Variants in EPHA6 observed in about 807,000 individuals in gnomAD.
EPHA6 encodes the protein ephrin type-A receptor 6.
In EPHA6, 50 loss-of-function variants were observed where a neutral mutation model predicts 112.0. That is an observed-to-expected ratio of 0.45 (90% CI 0.36 to 0.56). EPHA6 has a LOEUF of 0.56. EPHA6 is among the 20% of genes least tolerant of loss of function. The pLI is 0.00. For synonymous variants in EPHA6, 529 were observed against 490.7 expected (o/e 1.08, Z -1.03); for missense variants, 1,280 against 1,417.4 (o/e 0.90, Z 1.56).
chr3:97,598,550 A>C (rs1357697747), intron 12 of EPHA6, among the ~76,000 whole-genome samples: 3 of 151,258 alleles, frequency 2.0e-5, no homozygotes, highest in African/African-American at 7.3e-5. Context: ...TTTACTGAGA[A>C]TGATGATTTC....
At chr3:97,674,141 T>C (rs2031129242) in intron 14 of EPHA6, among the ~76,000 whole-genome samples, 1 of 152,146 alleles carries the variant, frequency 6.6e-6, no homozygotes, top group African/African-American at 2.4e-5. Flanking sequence ...CCAGAAATAA[T>C]ATCTATGTGA....
At chr3:97,598,602 T>C (rs1229960174) in intron 12 of EPHA6, among the ~76,000 whole-genome samples, 1 of 152,112 alleles carries the variant, frequency 6.6e-6, no homozygotes, top group Non-Finnish European at 1.5e-5. Context: ...AACTCATCAA[T>C]TTTTCTGGCT....
intron 3 of EPHA6, among the ~76,000 whole-genome samples, chr3:97,045,515 GTTCT>G (rs1463459138): frequency 1.3e-5 from 2 of 151,630 alleles, no homozygotes; most frequent in Admixed American, 1.3e-4. Flanking sequence ...AAAGAAAATT[GTTCT>G]TTCTTTCAAT....
At position 97,432,229 on chromosome 3, in the gene EPHA6, A is replaced by G. The variant is rs141540314; in HGVS notation, c.1732-16339A>G. 6.1e-3 allele frequency among the ~76,000 whole-genome samples: 924 copies of G among 152,276 alleles called. 12 individuals are homozygous for G. Among genetic ancestry groups the G allele is most frequent in the African/African-American group, 0.02 (850 of 41,560 alleles). On this transcript the variant is annotated intron_variant, in intron 6 of 17. Transcript: ENST00000389672. ...CTGGGAGATTAATTTACTAAACAAC[A>G]AATGCAATTCCATCCACTAACTCAA... is the stretch of plus-strand genomic sequence containing the variant.
chr3:97,694,318 C>A (rs1264623754), intron 14 of EPHA6, among the ~76,000 whole-genome samples: 4 of 151,854 alleles, frequency 2.6e-5, no homozygotes, highest in African/African-American at 7.2e-5. Flanking sequence ...CTCACTGCAA[C>A]CTTTGCCTCC....
chr3:97,002,696 G>A (rs766914373), intron 3 of EPHA6, among the ~76,000 whole-genome samples: 2 of 151,860 alleles, frequency 1.3e-5, no homozygotes, highest in Non-Finnish European at 2.9e-5. Flanking sequence ...TCTTGGATAG[G>A]AGTTGTAAAG....
At chr3:96,999,519 CAAT>C (rs2043551679) in intron 3 of EPHA6, among the ~76,000 whole-genome samples, 2 of 106,374 alleles carry the variant, frequency 1.9e-5, no homozygotes, top group South Asian at 5.1e-4. Context: ...CACATACCAA[CAAT>C]GACTACAGTA....
In EPHA6 at chr3:97,612,342, TTTCTTTTTATTTTC is replaced by T. The variant is rs528587835; in HGVS notation, c.2574+1502_2574+1515del. 2.9e-3 allele frequency: 1,143 copies of T among 393,882 alleles called. 14 individuals are homozygous for T. The highest frequency in any genetic ancestry group is 0.02 in the African/African-American group (967 of 47,506). The allele number at this position is 393,882 out of a possible 1,614,324, so 24.4% of individuals were successfully genotyped here. On this transcript the variant is annotated intron_variant, in intron 13 of 17. Coordinates refer to ENST00000389672, the MANE Select transcript of EPHA6 (RefSeq NM_001080448.3). ...CTAATGATGCTTGGGTTAGGTTGGTTTTCTTTTTATTTTCTTCTTTTTATTTTTGTATCAGCTGT... is the reference window on the plus strand; with the variant it reads ...CTAATGATGCTTGGGTTAGGTTGGTTTTCTTTTTATTTTTGTATCAGCTGT...
At chr3:97,196,932 A>G (rs1015257864) in intron 3 of EPHA6, among the ~76,000 whole-genome samples, 45 of 151,990 alleles carry the variant, frequency 3.0e-4, no homozygotes, top group African/African-American at 1.0e-3. Context: ...TCAGACCTGA[A>G]TCCAGCATAG....
At chr3:96,897,974 T>G (rs2038374640) in intron 2 of EPHA6, among the ~76,000 whole-genome samples, 1 of 152,190 alleles carries the variant, frequency 6.6e-6, no homozygotes, top group Admixed American at 6.5e-5. Flanking sequence ...GGCAAAATAT[T>G]TTATCCCTCA....
intron 15 of EPHA6, among the ~76,000 whole-genome samples, chr3:97,735,001 G>A (rs946919290): frequency 6.6e-6 from 1 of 151,958 alleles, no homozygotes; most frequent in African/African-American, 2.4e-5. Flanking sequence ...AAAAATAGTT[G>A]TTATCTTGTT....
chr3:97,395,907 G>A (rs968560634), intron 5 of EPHA6, among the ~76,000 whole-genome samples: 1 of 151,596 alleles, frequency 6.6e-6, no homozygotes, highest in Non-Finnish European at 1.5e-5. Context: ...AGGTGGAAGA[G>A]TTAATTCTAT....
intron 1 of EPHA6, among the ~76,000 whole-genome samples, chr3:96,843,151 C>A (rs2034852208): frequency 6.6e-6 from 1 of 152,026 alleles, no homozygotes; most frequent in Non-Finnish European, 1.5e-5. Context: ...GATATTTGTA[C>A]ATGGGGTTAT....
intron 14 of EPHA6, among the ~76,000 whole-genome samples, chr3:97,643,887 A>G (rs2094032925): frequency 6.6e-6 from 1 of 150,940 alleles, no homozygotes; most frequent in African/African-American, 2.4e-5. Context: ...AATGAGACAG[A>G]AAGTCAACAA....
intron 1 of EPHA6, among the ~76,000 whole-genome samples, chr3:96,848,993 T>A (rs1049617145): frequency 3.0e-4 from 45 of 152,228 alleles, no homozygotes; most frequent in Middle Eastern, 3.4e-3. Context: ...TCCAGTACAA[T>A]TTGAAAAAAG....
intron 3 of EPHA6, among the ~76,000 whole-genome samples, chr3:97,080,348 T>C (rs1299176626): frequency 2.0e-5 from 3 of 151,940 alleles, no homozygotes; most frequent in Non-Finnish European, 2.9e-5. Flanking sequence ...CATATACTGT[T>C]TTTTTCTTTG....
At chr3:97,040,993 C>T (rs964781698) in intron 3 of EPHA6, among the ~76,000 whole-genome samples, 4 of 151,892 alleles carry the variant, frequency 2.6e-5, no homozygotes, top group African/African-American at 4.8e-5. Context: ...TTTCTTCCTC[C>T]CTAGGTACTT....
intron 2 of EPHA6, among the ~76,000 whole-genome samples, chr3:96,922,702 C>T (rs1306457312): frequency 6.6e-6 from 1 of 151,782 alleles, no homozygotes; most frequent in Non-Finnish European, 1.5e-5. Context: ...GGGTTTGTTA[C>T]ATAGATAAAC....
At chr3:96,853,490 G>A (rs2035516372) in intron 1 of EPHA6, among the ~76,000 whole-genome samples, 1 of 151,810 alleles carries the variant, frequency 6.6e-6, no homozygotes, top group African/African-American at 2.4e-5. Flanking sequence ...CTGTTTCTGT[G>A]TGGAGAGCAC....
Sources: gnomAD v4.1 joint callset for allele counts (sites outside exome capture counted in the v4.1 genomes callset) on GRCh38, gnomAD v4.1.1 for gene constraint, MANE v1.5 for transcripts, NCBI Gene and HGNC (gene_info 2026-07-23, HGNC 2026-07-21) for gene names.